Variants in FEZ1 observed in about 807,000 individuals in gnomAD.
The protein encoded by FEZ1 is fasciculation and elongation protein zeta-1.
Under a neutral mutation model 49.3 loss-of-function variants are expected in FEZ1, and 20 were observed. The ratio of observed to expected loss-of-function variants is 0.41; its 90% CI spans 0.29 to 0.59. The LOEUF (loss-of-function observed/expected upper bound fraction) is 0.59. Among genes scored for constraint, FEZ1 ranks in the 20% least tolerant of loss-of-function variants. FEZ1 has a pLI of 0.36. For synonymous variants in FEZ1, 170 were observed against 180.9 expected (o/e 0.94, Z 0.48); for missense variants, 413 against 476.0 (o/e 0.87, Z 1.23).
intron 5 of FEZ1, chr11:125,460,255 C>A: frequency 2.5e-6 from 1 of 405,706 alleles, no homozygotes; most frequent in Non-Finnish European, 4.3e-6. Flanking sequence ...GCTTATTCTG[C>A]CTTAGTCTTG....
chr11:125,461,964 T>C (rs962078362), intron 4 of FEZ1, among the ~76,000 whole-genome samples: 1 of 152,250 alleles, frequency 6.6e-6, no homozygotes, highest in Non-Finnish European at 1.5e-5. Context: ...CAGGGTCTTA[T>C]GGCTGAATGT....
At chr11:125,454,245 T>C (rs939370664) in intron 6 of FEZ1, 35 bp from the exon 7 acceptor site, 2 of 1,546,376 alleles carry the variant, frequency 1.3e-6, no homozygotes, top group Non-Finnish European at 1.8e-6. Flanking sequence ...GGGCAAATGC[T>C]TCTTGCTACA....
chr11:125,482,754 A>G (rs1957294449), intron 2 of FEZ1, among the ~76,000 whole-genome samples: 2 of 152,150 alleles, frequency 1.3e-5, no homozygotes, highest in African/African-American at 2.4e-5. Context: ...GCTTGACTCC[A>G]GGAGTTCAAG....
Position 125,449,441 on chromosome 11 carries a change from A to AAAG in FEZ1, c.1097-877_1097-875dup, listed in dbSNP as rs1555177853. 6.6e-4 allele frequency among the ~76,000 whole-genome samples: 85 copies of AAAG among 128,262 alleles called. 3 individuals carry two copies. The highest frequency in any genetic ancestry group is 4.0e-3 in the East Asian group (14 of 3,516). The allele number at this position is 128,262 out of a possible 152,430, so 84.1% of individuals were successfully genotyped here. ...ATAAAAAAAAAAAAAAAAAAAAAAA[A>AAAG]AAGAAGAAGAGGAAGAAAAGAAAAA... On this transcript the variant is annotated intron_variant, in intron 8 of 9. Coordinates refer to ENST00000278919, the MANE Select transcript of FEZ1 (RefSeq NM_005103.5).
At chr11:125,451,112 C>T (rs901286432) in intron 8 of FEZ1, among the ~76,000 whole-genome samples, 4 of 152,054 alleles carry the variant, frequency 2.6e-5, no homozygotes, top group African/African-American at 9.7e-5. Context: ...TTACATATAT[C>T]AACCTTCATA....
chr11:125,493,423 A>T (rs572075576), intron 1 of FEZ1, among the ~76,000 whole-genome samples: 1 of 36,638 alleles, frequency 2.7e-5, no homozygotes, highest in South Asian at 1.0e-3. Context: ...AGAAAGAAAG[A>T]AGGAAAGAAG....
chr11:125,478,501 G>A (rs1290760254), intron 3 of FEZ1, among the ~76,000 whole-genome samples: 1 of 152,208 alleles, frequency 6.6e-6, no homozygotes, highest in East Asian at 1.9e-4. Context: ...GTGCTCACTA[G>A]AGAGAAGCAT....
intron 1 of FEZ1, among the ~76,000 whole-genome samples, chr11:125,490,201 A>T (rs1176475873): frequency 6.6e-6 from 1 of 152,202 alleles, no homozygotes; most frequent in African/African-American, 2.4e-5. Flanking sequence ...TATTACTATT[A>T]CTATTACCAC....
chr11:125,459,815 G>A (rs1341986843), intron 5 of FEZ1, among the ~76,000 whole-genome samples: 1 of 152,102 alleles, frequency 6.6e-6, no homozygotes, highest in Non-Finnish European at 1.5e-5. Context: ...CTTAGAATAA[G>A]GCCAGGCGCA....
intron 1 of FEZ1, among the ~76,000 whole-genome samples, chr11:125,490,190 T>TTATTAC (rs572957916): frequency 2.7e-4 from 41 of 152,330 alleles, no homozygotes; most frequent in African/African-American, 8.7e-4. Flanking sequence ...ATTATTATTT[T>TTATTAC]TATTACTATT....
rs1269584613 is a variant in FEZ1, at chr11:125,443,898, G to A, written c.*2197C>T. On this transcript the variant is annotated 3_prime_UTR_variant, in exon 10 of 10. Transcript: ENST00000278919. ...GTCTCTGCCGCTTCAGACACCTGCT[G>A]GCAGGATAAATTGGGGGAAAGGAGT... 1.3e-5 allele frequency among the ~76,000 whole-genome samples: 2 copies of A among 152,300 alleles called. No individual in the cohort carries two copies. The highest frequency in any genetic ancestry group is 6.5e-5 in the Admixed American group (1 of 15,296).
chr11:125,457,470 A>ATGTG (rs1555178519), intron 5 of FEZ1, among the ~76,000 whole-genome samples: 1 of 20,908 alleles, frequency 4.8e-5, no homozygotes, highest in Non-Finnish European at 1.2e-4. Flanking sequence ...ACACATATAT[A>ATGTG]TGTATATATA....
chr11:125,473,390 A>T (rs1247420132), intron 3 of FEZ1, among the ~76,000 whole-genome samples: 1 of 152,228 alleles, frequency 6.6e-6, no homozygotes, highest in Non-Finnish European at 1.5e-5. Flanking sequence ...GTGCCTCGGT[A>T]GTCCCAGCAA....
chr11:125,490,645 C>G (rs1957372472), intron 1 of FEZ1, among the ~76,000 whole-genome samples: 1 of 152,080 alleles, frequency 6.6e-6, no homozygotes, highest in African/African-American at 2.4e-5. Flanking sequence ...ATCATTTGAG[C>G]TCACTCAGGA....
chr11:125,472,060 T>C (rs1215350878), intron 3 of FEZ1, among the ~76,000 whole-genome samples: 2 of 152,144 alleles, frequency 1.3e-5, no homozygotes, highest in African/African-American at 4.8e-5. Context: ...ACTATGTTTT[T>C]AATTGAATGA....
intron 7 of FEZ1, 169 bp downstream of exon 7, chr11:125,453,961 A>T: frequency 4.6e-6 from 2 of 434,758 alleles, no homozygotes; most frequent in East Asian, 3.6e-5. Context: ...TTTGCCTTTT[A>T]AAAAGATATT....
intron 3 of FEZ1, among the ~76,000 whole-genome samples, chr11:125,467,250 C>T (rs1299525902): frequency 6.6e-6 from 1 of 152,046 alleles, no homozygotes; most frequent in Non-Finnish European, 1.5e-5. Context: ...CACTGTGTTG[C>T]CCAGGCTGGT....
At chr11:125,494,348 A>G (rs1175260707) in intron 1 of FEZ1, among the ~76,000 whole-genome samples, 2 of 152,174 alleles carry the variant, frequency 1.3e-5, no homozygotes, top group Non-Finnish European at 2.9e-5. Context: ...TCCTTCCTTT[A>G]GCCCACTTTC....
chr11:125,474,989 A>G (rs760275975), intron 3 of FEZ1, among the ~76,000 whole-genome samples: 3 of 149,608 alleles, frequency 2.0e-5, no homozygotes, highest in Non-Finnish European at 3.0e-5. Flanking sequence ...AAGAAAACAT[A>G]CAGGCCGGGC....
Sources: gnomAD v4.1 joint callset for allele counts (sites outside exome capture counted in the v4.1 genomes callset) on GRCh38, gnomAD v4.1.1 for gene constraint, MANE v1.5 for transcripts, NCBI Gene and HGNC (gene_info 2026-07-23, HGNC 2026-07-21) for gene names.